Variants in ATAD2 observed in about 807,000 individuals in gnomAD.
The protein encoded by ATAD2 is ATPase family AAA domain-containing protein 2.
Under a neutral mutation model 168.9 loss-of-function variants are expected in ATAD2, and 62 were observed. The ratio of observed to expected loss-of-function variants is 0.37; its 90% CI spans 0.30 to 0.45. The LOEUF (loss-of-function observed/expected upper bound fraction) is 0.45, where lower values mean the gene tolerates loss of function less well. ATAD2 is among the 20% of genes least tolerant of loss of function. The probability of loss-of-function intolerance (pLI) is 1.00; values close to 1 mark genes in which losing one functional copy is unlikely to be tolerated. For missense variants in ATAD2, 1,419 were observed against 1,667.8 expected (o/e 0.85, Z 2.60); for synonymous variants, 613 against 571.6 (o/e 1.07, Z -1.03).
At chr8:123,410,280 A>ATTTATTTAT (rs57487759) in intron 1 of ATAD2, among the ~76,000 whole-genome samples, 2 of 151,762 alleles carry the variant, frequency 1.3e-5, no homozygotes, top group Non-Finnish European at 1.5e-5. Context: ...GTAGGATCAT[A>ATTTATTTAT]TTATTTATTT....
Position 123,396,431 on chromosome 8 carries a change from T to A in ATAD2, c.-74A>T. 7.2e-7 allele frequency: 1 copy of A among 1,394,248 alleles called. No individual in the cohort carries two copies. Among genetic ancestry groups the A allele is most frequent in the Non-Finnish European group, 9.4e-7 (1 of 1,066,950 alleles). 86.4% of individuals were successfully genotyped at this position (1,394,248 alleles called of 1,614,324 possible). ...TCCAGGCGCTCGCAGCTCTGGCTCT[T>A]CCGCGCTCCGAATTCTGGCGCCACA... On this transcript the variant is annotated 5_prime_UTR_variant, in exon 1 of 28. Transcript: ENST00000287394.
chr8:123,405,845 T>C (rs1813062025), intron 1 of ATAD2, among the ~76,000 whole-genome samples: 1 of 152,240 alleles, frequency 6.6e-6, no homozygotes, highest in African/African-American at 2.4e-5. Context: ...GCATAACTGC[T>C]ATGAATAAAT....
upstream of ATAD2, chr8:123,400,846 A>T: frequency 2.2e-6 from 3 of 1,355,472 alleles, no homozygotes. The surrounding 1 kb of genome is among the most constrained non-coding windows in gnomAD (Gnocchi z 4.5). Context: ...TATTGGTTTC[A>T]TTCACCACAA....
chr8:123,413,730 G>C (rs1813197710), intron 1 of ATAD2, among the ~76,000 whole-genome samples: 1 of 151,986 alleles, frequency 6.6e-6, no homozygotes, highest in Non-Finnish European at 1.5e-5. Flanking sequence ...TAAAAGTTGT[G>C]ACAAAACAGG....
intron 1 of ATAD2, among the ~76,000 whole-genome samples, chr8:123,388,501 C>G (rs559031936): frequency 6.6e-6 from 1 of 152,114 alleles, no homozygotes; most frequent in Non-Finnish European, 1.5e-5. Context: ...TCAAGCGATT[C>G]TCTCTCTCAG....
At position 123,346,123 on chromosome 8, in the gene ATAD2, C is replaced by A. The variant is rs1156528970; in HGVS notation, c.2495G>T (p.Gly832Val). The change falls in exon 18 of 28, where the codon GGA becomes GTA. Residue 832 changes from glycine to valine, a missense_variant. This residue lies in a region of ATAD2 where 545 missense variants were observed against 724.9 expected (regional missense o/e 0.75). Transcript: ENST00000287394. ...TTCTTCAGGGGATGTAGTACTAACT[C>A]CAAAAAGAACAGGAATGTCTAATGT... Reference protein sequence around the residue: ...VYTLDIPVLFGVSTTSPEETC... With the variant: ...VYTLDIPVLFVVSTTSPEETC... 2 of 1,591,256 alleles carry A rather than the reference C, an allele frequency of 1.3e-6. No homozygotes were observed. The highest frequency in any genetic ancestry group is 2.3e-5 in the East Asian group (1 of 42,832).
At chr8:123,339,629 C>T (rs191675346) in intron 19 of ATAD2, among the ~76,000 whole-genome samples, 183 bp from the exon 20 acceptor site, 83 of 152,144 alleles carry the variant, frequency 5.5e-4, no homozygotes, top group Non-Finnish European at 1.5e-5. Context: ...AGCATCTATA[C>T]AGTATATAAA....
At chr8:123,411,114 G>C (rs953796976) in intron 1 of ATAD2, among the ~76,000 whole-genome samples, 2 of 152,098 alleles carry the variant, frequency 1.3e-5, no homozygotes, top group Non-Finnish European at 2.9e-5. Flanking sequence ...CCACCATCTT[G>C]GAAACTTTGT....
chr8:123,358,087 G>T (rs1265211963), intron 11 of ATAD2, among the ~76,000 whole-genome samples: 1 of 152,162 alleles, frequency 6.6e-6, no homozygotes, highest in African/African-American at 2.4e-5. Flanking sequence ...AAATGTGAAA[G>T]AAAATTCAAG....
rs1177486154 is a variant in ATAD2, at chr8:123,328,681, CCA to C, written c.3479-104_3479-103del. The C allele has an allele frequency of 5.1e-6, 6 of 1,186,676 alleles. No homozygotes were observed. The East Asian group carries it at 1.3e-4, about 26-fold the overall frequency. The allele number at this position is 1,186,676 out of a possible 1,614,324, so 73.5% of individuals were successfully genotyped here. ...ATATGAAAGGATAAATAGTGAGAAA[CCA>C]CAGTATTTTGTATGATTAAAATACA... is the stretch of plus-strand genomic sequence containing the variant. On this transcript the variant is annotated intron_variant, in intron 24 of 27. Transcript: ENST00000287394.
intron 1 of ATAD2, 24 bp from the exon 2 acceptor site, chr8:123,380,701 A>T: frequency 6.3e-7 from 1 of 1,591,574 alleles, no homozygotes; most frequent in South Asian, 1.1e-5. Context: ...TAAGAAAGCC[A>T]TCTAAGTTTT....
intron 1 of ATAD2, among the ~76,000 whole-genome samples, chr8:123,408,907 A>T (rs550054393): frequency 2.0e-5 from 3 of 150,746 alleles, no homozygotes. Context: ...AGCTCACTGC[A>T]ACCTCCGCCT....
In ATAD2 at chr8:123,322,927, C is replaced by G. The variant is rs1827511918; in HGVS notation, c.4131+11G>C. 2.5e-6 allele frequency: 4 copies of G among 1,610,422 alleles called. No individual in the cohort carries two copies. Among genetic ancestry groups the G allele is most frequent in the Non-Finnish European group, 8.5e-7 (1 of 1,178,532 alleles). On this transcript the variant is annotated intron_variant, in intron 27 of 27. Transcript: ENST00000287394. ...AGAGCATTTGTAAAAAGTTTCCACT[C>G]AAGAGTTTACCTGAATAAGTGATGT...
intron 24 of ATAD2, among the ~76,000 whole-genome samples, chr8:123,331,819 C>T (rs752253429): frequency 9.2e-5 from 14 of 152,198 alleles, no homozygotes; most frequent in Non-Finnish European, 1.9e-4. Flanking sequence ...AAGCAATTTA[C>T]TGGACAGGCC....
At chr8:123,370,163 C>T (rs1044632549) in intron 6 of ATAD2, 139 bp from the exon 7 acceptor site, 1 of 729,588 alleles carries the variant, frequency 1.4e-6, no homozygotes, top group African/African-American at 1.8e-5. Flanking sequence ...CAAAAAAAAA[C>T]CAAACTTATC....
upstream of ATAD2, among the ~76,000 whole-genome samples, chr8:123,397,240 CA>C (rs71310670): frequency 0.099 from 3,969 of 39,970 alleles, 80 homozygotes; most frequent in African/African-American, 0.24. Flanking sequence ...GACTCTGTCT[CA>C]AAAAAAAAAA....
chr8:123,320,936 C>A lies in ATAD2; in HGVS notation c.*198G>T. Reference sequence around the variant, plus strand: ...ACAGGGTCTTGTTCTAGCAAAGTTCCAATATTTATCAGTTATCTTACACAT... The same window carrying A: ...ACAGGGTCTTGTTCTAGCAAAGTTCAAATATTTATCAGTTATCTTACACAT... On this transcript the variant is annotated 3_prime_UTR_variant, in exon 28 of 28. Transcript: ENST00000287394. The A allele has an allele frequency of 3.8e-6, 2 of 530,584 alleles. No homozygotes were observed. The highest frequency in any genetic ancestry group is 6.4e-6 in the Non-Finnish European group (2 of 310,980). The allele number at this position is 530,584 out of a possible 1,614,324, so 32.9% of individuals were successfully genotyped here. A position where few individuals can be genotyped will look rare whatever the true frequency, so the allele number is the denominator to read the frequency against.
intron 2 of ATAD2, among the ~76,000 whole-genome samples, chr8:123,378,802 T>G (rs1041526837): frequency 6.6e-6 from 1 of 150,976 alleles, no homozygotes; most frequent in Non-Finnish European, 1.5e-5. Flanking sequence ...GAAGAAGTAA[T>G]GTAAAAACGA....
At chr8:123,394,308 A>C (rs1812727062) in intron 1 of ATAD2, among the ~76,000 whole-genome samples, 1 of 152,176 alleles carries the variant, frequency 6.6e-6, no homozygotes, top group African/African-American at 2.4e-5. Context: ...GCTGAAACTG[A>C]AATTCATAAT....
Sources: gnomAD v4.1 joint callset for allele counts (sites outside exome capture counted in the v4.1 genomes callset) on GRCh38, gnomAD v4.1.1 for gene constraint, gnomAD v4.1.1 regional missense constraint, Gnocchi (gnomAD v3.1) non-coding constraint, MANE v1.5 for transcripts, NCBI Gene and HGNC (gene_info 2026-07-23, HGNC 2026-07-21) for gene names.